The following WWOX variants were observed in gnomAD, a reference collection of about 807,000 sequenced individuals.
WWOX encodes the protein WW domain-containing oxidoreductase.
A neutral mutation model predicts 46.2 loss-of-function variants in WWOX; 69 were observed. That is an observed-to-expected ratio of 1.49 (90% CI 1.23 to 1.82). WWOX has a LOEUF of 1.82. WWOX is among the 40% of genes most tolerant of loss of function. WWOX has a pLI of 0.00. For missense variants in WWOX, 919 were observed against 542.6 expected (o/e 1.69, Z -6.89); for synonymous variants, 359 against 202.6 (o/e 1.77, Z -6.56).
intron 8 of WWOX, among the ~76,000 whole-genome samples, chr16:78,790,284 G>T (rs936009183): frequency 2.0e-5 from 3 of 152,014 alleles, no homozygotes; most frequent in Non-Finnish European, 4.4e-5. Context: ...ACAGGCGCAC[G>T]CCAGCACGCC....
intron 8 of WWOX, among the ~76,000 whole-genome samples, chr16:79,013,554 TG>T (rs1366405980): frequency 1.3e-5 from 2 of 152,176 alleles, no homozygotes; most frequent in Non-Finnish European, 2.9e-5. Context: ...CACACAATGA[TG>T]GCCAGAGACA....
At chr16:78,475,038 A>G (rs891781238) in intron 8 of WWOX, among the ~76,000 whole-genome samples, 1 of 152,244 alleles carries the variant, frequency 6.6e-6, no homozygotes, top group Non-Finnish European at 1.5e-5. Context: ...CAGTGCTAAC[A>G]TAGCCAGGCA....
chr16:78,555,029 C>A (rs2044258768), intron 8 of WWOX, among the ~76,000 whole-genome samples: 1 of 152,094 alleles, frequency 6.6e-6, no homozygotes, highest in Non-Finnish European at 1.5e-5. Context: ...GGCTCCCTTG[C>A]CATTTAAGGT....
chr16:78,658,890 G>C lies in WWOX; in HGVS notation c.1056+226138G>C, dbSNP rs559376757. 2.0e-5 allele frequency among the ~76,000 whole-genome samples: 3 copies of C among 148,978 alleles called. No individual in the cohort carries two copies. The South Asian group carries it at 6.4e-4, about 32-fold the overall frequency. ...GCGGATCACTTGAGGTCAGGAGTTT[G>C]AGACCAGCCTGGCCAAAATGGCAAA... On this transcript the variant is annotated intron_variant, in intron 8 of 8. Transcript: ENST00000566780.
intron 1 of WWOX, among the ~76,000 whole-genome samples, chr16:78,104,360 TACACACACAC>T (rs35617570): frequency 6.8e-6 from 1 of 147,664 alleles, no homozygotes; most frequent in East Asian, 2.0e-4. Flanking sequence ...TGCACGCACA[TACACACACAC>T]ACACACACCC....
At chr16:78,686,588 G>T (rs979175768) in intron 8 of WWOX, among the ~76,000 whole-genome samples, 12 of 152,114 alleles carry the variant, frequency 7.9e-5, no homozygotes, top group Non-Finnish European at 1.3e-4. Context: ...AACACTAAAG[G>T]GGAGTGGGCC....
chr16:78,427,012 C>T (rs531163767), intron 7 of WWOX, among the ~76,000 whole-genome samples: 1 of 152,322 alleles, frequency 6.6e-6, no homozygotes, highest in Admixed American at 6.5e-5. Flanking sequence ...TTTCCCCAGG[C>T]TGGCTTGTGT....
chr16:78,452,202 T>C (rs951057120), intron 8 of WWOX, among the ~76,000 whole-genome samples: 1 of 152,206 alleles, frequency 6.6e-6, no homozygotes, highest in Admixed American at 6.5e-5. Flanking sequence ...TTCGGACATA[T>C]TTCTTGGATT....
At chr16:78,409,654 A>T (rs2082629957) in intron 6 of WWOX, among the ~76,000 whole-genome samples, 1 of 152,234 alleles carries the variant, frequency 6.6e-6, no homozygotes, top group African/African-American at 2.4e-5. Context: ...CAAAGCTATT[A>T]TCTGACAGCT....
At position 78,134,381 on chromosome 16, in the gene WWOX, T is replaced by G. The variant is rs189743720; in HGVS notation, c.409+19227T>G. ...GGTGCAGTGAATACTTCGCAATGCCTGCTGAATTTTACCTATTCTGTAAGT... is the reference window on the plus strand; with the variant it reads ...GGTGCAGTGAATACTTCGCAATGCCGGCTGAATTTTACCTATTCTGTAAGT... On this transcript the variant is annotated intron_variant, in intron 4 of 8. Coordinates refer to ENST00000566780, the MANE Select transcript of WWOX (RefSeq NM_016373.4). 7.9e-5 allele frequency among the ~76,000 whole-genome samples: 12 copies of G among 152,260 alleles called. No homozygotes were observed. In the East Asian group the frequency reaches 2.3e-3, roughly 29 times the overall value.
chr16:78,531,600 T>C lies in WWOX; in HGVS notation c.1056+98848T>C, dbSNP rs528045944. 7.2e-5 allele frequency among the ~76,000 whole-genome samples: 11 copies of C among 152,276 alleles called. No individual in the cohort carries two copies. In the East Asian group the frequency reaches 2.1e-3, roughly 29 times the overall value. ...GCTCATGACTGTAATCCCAGCACTTTGGGAGTCTGAGGCAGGTGAATCACT... is the reference window on the plus strand; with the variant it reads ...GCTCATGACTGTAATCCCAGCACTTCGGGAGTCTGAGGCAGGTGAATCACT... On this transcript the variant is annotated intron_variant, in intron 8 of 8. Transcript: ENST00000566780.
chr16:78,422,478 G>C (rs1005865257), intron 6 of WWOX, among the ~76,000 whole-genome samples: 2 of 150,222 alleles, frequency 1.3e-5, no homozygotes, highest in Non-Finnish European at 3.0e-5. Flanking sequence ...CGAAGTAGCT[G>C]GGACTACAGC....
At chr16:78,947,172 A>G (rs989036606) in intron 8 of WWOX, among the ~76,000 whole-genome samples, 1 of 152,090 alleles carries the variant, frequency 6.6e-6, no homozygotes, top group Non-Finnish European at 1.5e-5. Context: ...AAAAGTACCC[A>G]AAAGAGAAAA....
chr16:79,048,598 A>G (rs1197057735), intron 8 of WWOX, among the ~76,000 whole-genome samples: 1 of 152,176 alleles, frequency 6.6e-6, no homozygotes, highest in African/African-American at 2.4e-5. Context: ...AACATAACGT[A>G]TGCTAAAGAA....
At chr16:78,352,550 C>T (rs377721066) in intron 5 of WWOX, among the ~76,000 whole-genome samples, 1 of 152,208 alleles carries the variant, frequency 6.6e-6, no homozygotes, top group African/African-American at 2.4e-5. Flanking sequence ...CTGGTTCTCT[C>T]TCTTCTGCTT....
chr16:78,809,338 CA>C (rs2051129423), intron 8 of WWOX, among the ~76,000 whole-genome samples: 1 of 147,822 alleles, frequency 6.8e-6, no homozygotes, highest in Non-Finnish European at 1.5e-5. Context: ...AAGAAAAAAC[CA>C]CCGTGGTATT....
chr16:78,634,833 AGAGAGTGTGT>A (rs1323648433), intron 8 of WWOX, among the ~76,000 whole-genome samples: 26 of 111,356 alleles, frequency 2.3e-4, no homozygotes, highest in African/African-American at 4.9e-4. Context: ...AGAGAGAGAG[AGAGAGTGTGT>A]GTGTGTGTGT....
chr16:79,206,139 C>G (rs550516651), intron 8 of WWOX: 2 of 152,212 alleles, frequency 1.3e-5, no homozygotes, highest in South Asian at 2.1e-4. Context: ...AAAAAAAAAT[C>G]TCCTTTTAAC....
At chr16:78,600,133 C>A (rs1597328977) in intron 8 of WWOX, among the ~76,000 whole-genome samples, 1 of 152,062 alleles carries the variant, frequency 6.6e-6, no homozygotes, top group Non-Finnish European at 1.5e-5. Flanking sequence ...ACCATCAGAT[C>A]TCGTGAGACT....
Sources: gnomAD v4.1 joint callset for allele counts (sites outside exome capture counted in the v4.1 genomes callset) on GRCh38, gnomAD v4.1.1 for gene constraint, MANE v1.5 for transcripts, NCBI Gene and HGNC (gene_info 2026-07-23, HGNC 2026-07-21) for gene names.